Variants in RBFOX2 observed in about 807,000 individuals in gnomAD.
RBFOX2 encodes RNA binding fox-1 homolog 2, also known as RNA binding protein fox-1 homolog 2.
Under a neutral mutation model 49.1 loss-of-function variants are expected in RBFOX2, and 10 were observed. The ratio of observed to expected loss-of-function variants is 0.20; its 90% CI spans 0.13 to 0.35. The LOEUF is 0.35. RBFOX2 is among the 10% of genes least tolerant of loss of function. RBFOX2 has a pLI of 1.00. For missense variants in RBFOX2, 323 were observed against 486.9 expected, an observed-to-expected ratio of 0.66 and a Z score of 3.17; for synonymous variants, 183 against 187.4, an observed-to-expected ratio of 0.98 and a Z score of 0.19.
At chr22:35,891,495 T>C (rs918038519) in intron 1 of RBFOX2, among the ~76,000 whole-genome samples, 6 of 152,190 alleles carry the variant, frequency 3.9e-5, no homozygotes, top group African/African-American at 1.4e-4. Flanking sequence ...CTCTACCCAT[T>C]ATGGGCATTC....
At chr22:35,769,919 C>G (rs544839763) in intron 4 of RBFOX2, among the ~76,000 whole-genome samples, 1 of 152,128 alleles carries the variant, frequency 6.6e-6, no homozygotes, top group Non-Finnish European at 1.5e-5. Flanking sequence ...TCACAAATAC[C>G]CTTGAAAGCA....
chr22:35,842,726 G>A (rs2040668408), upstream of RBFOX2, among the ~76,000 whole-genome samples: 1 of 151,660 alleles, frequency 6.6e-6, no homozygotes, highest in Non-Finnish European at 1.5e-5. Context: ...TAGAAAAGCA[G>A]CAGCTACCTT....
chr22:35,909,635 A>C (rs531923621), intron 1 of RBFOX2, among the ~76,000 whole-genome samples: 1 of 152,352 alleles, frequency 6.6e-6, no homozygotes, highest in South Asian at 2.1e-4. Context: ...TCGAGAAATA[A>C]GGGTAACATG....
chr22:35,966,572 C>T (rs2056569594), upstream of RBFOX2, among the ~76,000 whole-genome samples: 2 of 152,098 alleles, frequency 1.3e-5, no homozygotes, highest in Non-Finnish European at 2.9e-5. Flanking sequence ...TTTGCTTTAG[C>T]CTGATGATTA....
chr22:35,821,646 T>C (rs1394772717), intron 1 of RBFOX2: 7 of 435,132 alleles, frequency 1.6e-5, no homozygotes, highest in Admixed American at 5.6e-5. Flanking sequence ...TAGTATCCTA[T>C]CCTTCACTCT....
intron 1 of RBFOX2, among the ~76,000 whole-genome samples, chr22:35,826,876 C>A (rs925482416): frequency 3.3e-5 from 5 of 152,076 alleles, no homozygotes; most frequent in African/African-American, 1.2e-4. Flanking sequence ...GTGAATGTGG[C>A]CTCCTTCTCG....
intron 1 of RBFOX2, among the ~76,000 whole-genome samples, chr22:35,871,986 G>A (rs373378821): frequency 9.8e-5 from 15 of 152,300 alleles, no homozygotes; most frequent in East Asian, 3.9e-4. Context: ...GCTGGGCAGG[G>A]CAAGGGTAGG....
Position 35,861,540 on chromosome 22 carries a change from G to A in RBFOX2, c.-33-51536C>T, listed in dbSNP as rs1044512337. 3.3e-5 allele frequency among the ~76,000 whole-genome samples: 5 copies of A among 152,238 alleles called. 1 individual carries two copies. Among genetic ancestry groups the A allele is most frequent in the African/African-American group, 1.2e-4 (5 of 41,568 alleles). On this transcript the variant is annotated intron_variant, in intron 1 of 13. Transcript: ENST00000359369. ...AGATGGTAAATGAGATAGTAAACAAGCGCATGAAAAGAAGCTCAGTATCAT... is the reference window on the plus strand; with the variant it reads ...AGATGGTAAATGAGATAGTAAACAAACGCATGAAAAGAAGCTCAGTATCAT...
intron 1 of RBFOX2, among the ~76,000 whole-genome samples, chr22:36,015,155 C>A (rs2058984610): frequency 6.6e-6 from 1 of 152,142 alleles, no homozygotes; most frequent in Non-Finnish European, 1.5e-5. Context: ...ACCTCAAAGT[C>A]TTGGATGATA....
At chr22:35,913,372 G>A (rs557100558) in intron 1 of RBFOX2, among the ~76,000 whole-genome samples, 17 of 151,624 alleles carry the variant, frequency 1.1e-4, no homozygotes, top group African/African-American at 4.1e-4. Flanking sequence ...TGTTCTCTTG[G>A]GTAAGGTGTA....
intron 1 of RBFOX2, among the ~76,000 whole-genome samples, chr22:35,957,463 T>A (rs560746761): frequency 5.3e-5 from 8 of 152,162 alleles, no homozygotes; most frequent in Non-Finnish European, 1.0e-4. Flanking sequence ...GCAACCATAT[T>A]CACATAGCAC....
rs571959319 is a variant in RBFOX2, at chr22:35,894,752, G to A, written c.-34+44095C>T. Among the ~76,000 whole-genome samples, 23 of 152,144 alleles carry A rather than the reference G, an allele frequency of 1.5e-4. No homozygotes were observed. The East Asian group carries it at 3.7e-3, about 24-fold the overall frequency. ...GCCATTTGTGCAACAGCAGAACCTC[G>A]CAGCTTTCCACTCCTTATATGTGCA... On this transcript the variant is annotated intron_variant, in intron 1 of 13. Transcript: ENST00000359369.
chr22:35,799,423 C>T (rs1281779433), intron 2 of RBFOX2, among the ~76,000 whole-genome samples: 1 of 152,138 alleles, frequency 6.6e-6, no homozygotes, highest in African/African-American at 2.4e-5. Context: ...ATCTTAAGAG[C>T]AGAAGCTTCT....
chr22:36,003,911 T>C (rs1397289531), intron 1 of RBFOX2, among the ~76,000 whole-genome samples: 5 of 152,212 alleles, frequency 3.3e-5, no homozygotes, highest in Non-Finnish European at 5.9e-5. Context: ...AATGCAGGGT[T>C]CTCAACCTCA....
At chr22:35,920,715 T>C (rs1318562567) in intron 1 of RBFOX2, among the ~76,000 whole-genome samples, 1 of 152,114 alleles carries the variant, frequency 6.6e-6, no homozygotes, top group Non-Finnish European at 1.5e-5. Context: ...CTTACAACCT[T>C]ACAAGGGACT....
At chr22:35,770,407 T>TAGTA (rs1942333746) in intron 4 of RBFOX2, among the ~76,000 whole-genome samples, 1 of 152,080 alleles carries the variant, frequency 6.6e-6, no homozygotes. Flanking sequence ...ATTAGCATTA[T>TAGTA]GACTATATCT....
chr22:35,857,775 G>A (rs2042677111), intron 1 of RBFOX2, among the ~76,000 whole-genome samples: 1 of 152,122 alleles, frequency 6.6e-6, no homozygotes, highest in Non-Finnish European at 1.5e-5. Context: ...ACAGATAGAA[G>A]GCAAAGGCTG....
chr22:35,917,357 T>C (rs1430340058), intron 1 of RBFOX2, among the ~76,000 whole-genome samples: 2 of 152,082 alleles, frequency 1.3e-5, no homozygotes, highest in Admixed American at 6.5e-5. Flanking sequence ...GTTAGGGTCA[T>C]GGGGCAGGAA....
intron 1 of RBFOX2, among the ~76,000 whole-genome samples, chr22:36,025,244 G>A (rs1454526078): frequency 6.6e-6 from 1 of 152,164 alleles, no homozygotes; most frequent in Non-Finnish European, 1.5e-5. Flanking sequence ...AACAAACCAA[G>A]CAGTCTTTCT....
Sources: gnomAD v4.1 joint callset for allele counts (sites outside exome capture counted in the v4.1 genomes callset) on GRCh38, gnomAD v4.1.1 for gene constraint, MANE v1.5 for transcripts, NCBI Gene and HGNC (gene_info 2026-07-23, HGNC 2026-07-21) for gene names.